LRP1B: variants seen among roughly 807,000 people sequenced by gnomAD.
LRP1B encodes the protein low-density lipoprotein receptor-related protein 1B.
In LRP1B, 217 loss-of-function variants were observed where a neutral mutation model predicts 556.6. The ratio of observed to expected loss-of-function variants is 0.39; its 90% CI spans 0.35 to 0.44. The LOEUF is 0.44. Among genes scored for constraint, LRP1B ranks in the 20% least tolerant of loss-of-function variants. The pLI is 1.00. For synonymous variants in LRP1B, 2,047 were observed against 1,865.8 expected (o/e 1.10, Z -2.50); for missense variants, 5,053 against 5,620.8 (o/e 0.90, Z 3.23).
chr2:141,559,807 T>A (rs1686082980), intron 2 of LRP1B, among the ~76,000 whole-genome samples: 1 of 151,682 alleles, frequency 6.6e-6, no homozygotes, highest in African/African-American at 2.4e-5. Flanking sequence ...AAAAATACAT[T>A]TTCCTACTTA....
At chr2:140,700,213 C>G (rs982206973) in intron 41 of LRP1B, 37 bp downstream of exon 41, 2 of 1,543,968 alleles carry the variant, frequency 1.3e-6, no homozygotes, top group Non-Finnish European at 8.9e-7. Flanking sequence ...AAATGATACT[C>G]ATTTCCACCT....
chr2:140,884,248 C>G (rs1693564619), intron 24 of LRP1B, among the ~76,000 whole-genome samples: 1 of 152,048 alleles, frequency 6.6e-6, no homozygotes, highest in Admixed American at 6.6e-5. Context: ...CTTTTGGTAT[C>G]AGTGGAATAA....
chr2:142,060,010 T>A (rs1488481880), intron 1 of LRP1B, among the ~76,000 whole-genome samples: 1 of 152,052 alleles, frequency 6.6e-6, no homozygotes, highest in Non-Finnish European at 1.5e-5. Flanking sequence ...TTTCCTTAGA[T>A]AAATTAAAGA....
At chr2:141,450,780 A>T (rs867961918) in intron 3 of LRP1B, among the ~76,000 whole-genome samples, 1 of 152,090 alleles carries the variant, frequency 6.6e-6, no homozygotes, top group Non-Finnish European at 1.5e-5. Flanking sequence ...TTGGTAAAAG[A>T]TAACTTTCAG....
chr2:140,764,362 G>C (rs1689028872), intron 35 of LRP1B, among the ~76,000 whole-genome samples: 1 of 152,124 alleles, frequency 6.6e-6, no homozygotes, highest in Admixed American at 6.6e-5. Context: ...GGTTACAAAT[G>C]CACGACGGCA....
At chr2:141,700,703 C>A (rs1278475284) in intron 2 of LRP1B, among the ~76,000 whole-genome samples, 2 of 151,702 alleles carry the variant, frequency 1.3e-5, no homozygotes, top group Non-Finnish European at 2.9e-5. Flanking sequence ...ATCCCTTTTC[C>A]CAAAATCCAG....
chr2:140,716,265 T>A (rs1286451621), intron 36 of LRP1B, among the ~76,000 whole-genome samples, 163 bp from the exon 37 acceptor site: 1 of 152,138 alleles, frequency 6.6e-6, no homozygotes, highest in East Asian at 1.9e-4. Context: ...GTAAATAAAC[T>A]AATATGCAAA....
intron 1 of LRP1B, among the ~76,000 whole-genome samples, chr2:141,811,031 G>T (rs780391958): frequency 8.6e-5 from 13 of 150,850 alleles, no homozygotes; most frequent in African/African-American, 1.2e-4. Flanking sequence ...ATTTTCTACA[G>T]TTGTTTGTGA....
intron 3 of LRP1B, among the ~76,000 whole-genome samples, chr2:141,275,715 A>G (rs1685260899): frequency 6.6e-6 from 1 of 152,118 alleles, no homozygotes; most frequent in Non-Finnish European, 1.5e-5. Flanking sequence ...CCTTTTTCAA[A>G]AAATAAAAGA....
chr2:140,972,867 A>T (rs1696473593), intron 18 of LRP1B, among the ~76,000 whole-genome samples: 1 of 151,118 alleles, frequency 6.6e-6, no homozygotes, highest in African/African-American at 2.4e-5. Flanking sequence ...GTCAGTATTT[A>T]TAATGACACT....
intron 3 of LRP1B, among the ~76,000 whole-genome samples, chr2:141,358,876 T>C (rs1027825415): frequency 6.6e-6 from 1 of 152,174 alleles, no homozygotes; most frequent in Non-Finnish European, 1.5e-5. Flanking sequence ...TAATATAGTA[T>C]GATTTCAAGT....
chr2:141,833,253 T>C (rs1173702023), intron 1 of LRP1B, among the ~76,000 whole-genome samples: 6 of 151,842 alleles, frequency 4.0e-5, no homozygotes, highest in Non-Finnish European at 2.9e-5. Flanking sequence ...TCTCTAAACG[T>C]ATTAAATGTT....
At chr2:141,850,227 T>A (rs1293220117) in intron 1 of LRP1B, among the ~76,000 whole-genome samples, 1 of 151,694 alleles carries the variant, frequency 6.6e-6, no homozygotes. Context: ...GTCATTTTTA[T>A]GCTTTTTTTC....
intron 4 of LRP1B, among the ~76,000 whole-genome samples, chr2:141,251,761 A>G (rs912056206): frequency 1.3e-5 from 2 of 152,112 alleles, no homozygotes; most frequent in Non-Finnish European, 2.9e-5. Flanking sequence ...TAATTTGAGG[A>G]AGTAACACAA....
At chr2:141,768,957 T>C (rs1317996686) in intron 2 of LRP1B, among the ~76,000 whole-genome samples, 1 of 152,088 alleles carries the variant, frequency 6.6e-6, no homozygotes, top group African/African-American at 2.4e-5. Context: ...TATCTATCTA[T>C]GTCATTTAAT....
intron 41 of LRP1B, among the ~76,000 whole-genome samples, chr2:140,644,568 T>A (rs1217158848): frequency 6.6e-6 from 1 of 152,044 alleles, no homozygotes; most frequent in Non-Finnish European, 1.5e-5. Flanking sequence ...TGGCTAATTT[T>A]TGCATTTCTT....
chr2:140,565,895 T>C (rs964566302), intron 43 of LRP1B, among the ~76,000 whole-genome samples: 3 of 152,102 alleles, frequency 2.0e-5, no homozygotes, highest in South Asian at 2.1e-4. Flanking sequence ...CATTAACACC[T>C]TGGACACTTA....
At chr2:140,511,217 A>G (rs1689635819) in intron 51 of LRP1B, among the ~76,000 whole-genome samples, 1 of 150,102 alleles carries the variant, frequency 6.7e-6, no homozygotes, top group Non-Finnish European at 1.5e-5. Flanking sequence ...AGTTGTTAGG[A>G]GCAGAAAATT....
intron 2 of LRP1B, among the ~76,000 whole-genome samples, chr2:141,783,674 A>G (rs1051808740): frequency 2.6e-5 from 4 of 151,950 alleles, no homozygotes; most frequent in Non-Finnish European, 5.9e-5. Context: ...TAAATTCTCC[A>G]GCATCCCTAA....
Sources: allele counts gnomAD v4.1 joint callset (sites outside exome capture counted in the v4.1 genomes callset), GRCh38; gene constraint gnomAD v4.1.1; transcripts MANE v1.5; gene names NCBI Gene and HGNC (gene_info 2026-07-23, HGNC 2026-07-21).